Variants in CAMSAP2 observed in about 807,000 individuals in gnomAD.
CAMSAP2 encodes calmodulin regulated spectrin associated protein family member 2.
CAMSAP2 carries 26 observed loss-of-function variants against 146.1 expected under a neutral mutation model. That is an observed-to-expected ratio of 0.18 (90% confidence interval 0.13 to 0.25). The LOEUF is 0.25. Among genes scored for constraint, CAMSAP2 ranks in the 10% least tolerant of loss-of-function variants. The probability of loss-of-function intolerance (pLI) is 1.00; values close to 1 mark genes in which losing one functional copy is unlikely to be tolerated. For missense variants in CAMSAP2, 1,381 were observed against 1,759.3 expected (o/e 0.78, Z 3.85); for synonymous variants, 499 against 596.6 (o/e 0.84, Z 2.38).
At chr1:200,781,269 A>T (rs997797254) in intron 2 of CAMSAP2, among the ~76,000 whole-genome samples, 2 of 152,230 alleles carry the variant, frequency 1.3e-5, no homozygotes, top group Non-Finnish European at 2.9e-5. Context: ...TGTTTAAAAT[A>T]TACTAGGAAT....
chr1:200,766,415 C>T (rs1664953833), intron 2 of CAMSAP2, among the ~76,000 whole-genome samples: 1 of 152,128 alleles, frequency 6.6e-6, no homozygotes, highest in African/African-American at 2.4e-5. Flanking sequence ...GCTGGGATTA[C>T]ACCTGGTCTA....
chr1:200,774,429 C>T (rs534579968), intron 2 of CAMSAP2, among the ~76,000 whole-genome samples: 125 of 152,220 alleles, frequency 8.2e-4, no homozygotes, highest in African/African-American at 2.8e-3. Flanking sequence ...CCCAGGGGCC[C>T]GTCTTTTCAG....
chr1:200,741,374 T>A (rs1005137357), intron 1 of CAMSAP2, among the ~76,000 whole-genome samples: 2 of 152,242 alleles, frequency 1.3e-5, no homozygotes, highest in African/African-American at 4.8e-5. Flanking sequence ...TTACTGCCTT[T>A]ATATAAAAAC....
chr1:200,786,591 C>A (rs765391646), intron 2 of CAMSAP2, among the ~76,000 whole-genome samples: 44 of 152,140 alleles, frequency 2.9e-4, no homozygotes, highest in Admixed American at 2.8e-3. Context: ...GCCATGTTGG[C>A]CAGGCTGGTC....
At chr1:200,749,829 G>C (rs1431997578) in intron 1 of CAMSAP2, among the ~76,000 whole-genome samples, 1 of 152,168 alleles carries the variant, frequency 6.6e-6, no homozygotes, top group African/African-American at 2.4e-5. Flanking sequence ...AATTGGACCA[G>C]ACTGAATGGA....
At chr1:200,745,663 G>C (rs1279551618) in intron 1 of CAMSAP2, among the ~76,000 whole-genome samples, 1 of 152,098 alleles carries the variant, frequency 6.6e-6, no homozygotes, top group Admixed American at 6.6e-5. Context: ...GTAGAGATTG[G>C]GGTTTTGCCA....
intron 7 of CAMSAP2, 147 bp downstream of exon 7, chr1:200,842,234 C>A: frequency 1.7e-6 from 1 of 603,988 alleles, no homozygotes; most frequent in Non-Finnish European, 2.9e-6. Flanking sequence ...CTCCTAACCT[C>A]TTAAAATGGT....
chr1:200,854,830 T>C lies in CAMSAP2; in HGVS notation c.3837T>C (p.Ser1279=). Residue 1279 remains serine (S), a synonymous_variant, in exon 14 of 17, where the codon TCT becomes TCC. Transcript: ENST00000358823. ...PIKGPPVSSL[S]LASLNTGDNE... ...GTGTTTTTTCAGTCTCTAGCCTTTCTTTGGCATCGCTGAACACGGGTGATA... is the reference window on the plus strand; with the variant it reads ...GTGTTTTTTCAGTCTCTAGCCTTTCCTTGGCATCGCTGAACACGGGTGATA... 6.2e-7 allele frequency: 1 copy of C among 1,611,224 alleles called. No individual in the cohort carries two copies.
intron 4 of CAMSAP2, among the ~76,000 whole-genome samples, chr1:200,819,617 C>T (rs1298735164): frequency 1.3e-5 from 2 of 151,742 alleles, no homozygotes; most frequent in African/African-American, 2.4e-5. Context: ...CTCTCTGGGC[C>T]TTGGGTTTGT....
intron 7 of CAMSAP2, among the ~76,000 whole-genome samples, chr1:200,843,447 C>T (rs2102239414): frequency 6.6e-6 from 1 of 152,314 alleles, no homozygotes; most frequent in East Asian, 1.9e-4. Context: ...AACTTCTTTA[C>T]ATGCCTATAA....
intron 1 of CAMSAP2, among the ~76,000 whole-genome samples, chr1:200,742,476 T>A (rs1664208382): frequency 6.6e-6 from 1 of 152,184 alleles, no homozygotes; most frequent in African/African-American, 2.4e-5. Context: ...TGTTTATTCT[T>A]TATCAACAGT....
intron 6 of CAMSAP2, among the ~76,000 whole-genome samples, chr1:200,839,738 A>G (rs1667269333): frequency 6.6e-6 from 1 of 152,198 alleles, no homozygotes; most frequent in Non-Finnish European, 1.5e-5. Context: ...AAGACCACAC[A>G]TTGGGTACAG....
intron 3 of CAMSAP2, 90 bp downstream of exon 3, chr1:200,807,627 GT>G: frequency 2.3e-6 from 2 of 864,588 alleles, no homozygotes; most frequent in Non-Finnish European, 1.5e-6. Context: ...TACTCTTTTT[GT>G]TTCAAATCAA....
chr1:200,777,075 C>T (rs1404127349), intron 2 of CAMSAP2, among the ~76,000 whole-genome samples: 3 of 152,164 alleles, frequency 2.0e-5, no homozygotes, highest in African/African-American at 7.2e-5. Context: ...GAAGGATGAC[C>T]AACCTTTCTC....
Position 200,832,459 on chromosome 1 carries a change from CAA to C in CAMSAP2, c.787+119_787+120del. The stretch of plus-strand genomic sequence containing the variant: ...GTGGGACCCTGTCTCAAAAAAAAGA[CAA>C]TATTATTTAATAAGTACTGAAGACT... On this transcript the variant is annotated intron_variant, in intron 5 of 16. Transcript: ENST00000358823. This position sits in a 1 kb window ranked among gnomAD's most constrained non-coding sequence, Gnocchi z 4.2. 1.0e-6 allele frequency: 1 copy of C among 979,292 alleles called. No homozygotes were observed. The highest frequency in any genetic ancestry group is 1.4e-6 in the Non-Finnish European group (1 of 697,242). 60.7% of individuals were successfully genotyped at this position (979,292 alleles called of 1,614,324 possible).
At chr1:200,846,814 C>T (rs1667470434) in intron 8 of CAMSAP2, among the ~76,000 whole-genome samples, 3 of 152,254 alleles carry the variant, frequency 2.0e-5, no homozygotes, top group South Asian at 2.1e-4. Flanking sequence ...CAAACAGGTC[C>T]GTGAGCAGAG....
Position 200,848,267 on chromosome 1 carries a change from T to G in CAMSAP2, c.1498T>G (p.Ser500Ala), listed in dbSNP as rs1667514062. 6.2e-7 allele frequency: 1 copy of G among 1,613,498 alleles called. No individual in the cohort carries two copies. The highest frequency in any genetic ancestry group is 8.5e-7 in the Non-Finnish European group (1 of 1,179,742). The change falls in exon 11 of 17, where the codon TCT becomes GCT. Residue 500 changes from serine (S) to alanine (A), a missense_variant. Physicochemically the swap from Ser to Ala is moderately conservative, Grantham distance 99. Coordinates refer to ENST00000358823, the MANE Select transcript of CAMSAP2 (RefSeq NM_203459.4). The part of the protein sequence containing the change: ...LNIDSHSDLK[S>A]CVPLNTNELN... ...TATAGATTCTCACAGTGACCTCAAA[T>G]CTTGTGTGCCCCTTAACACAAATGA...
chr1:200,771,629 C>G (rs966150711), intron 2 of CAMSAP2, among the ~76,000 whole-genome samples: 1 of 152,146 alleles, frequency 6.6e-6, no homozygotes, highest in South Asian at 2.1e-4. Context: ...ATGTCTATGC[C>G]TCTCACTTTG....
At chr1:200,762,187 T>A (rs1232283765) in intron 2 of CAMSAP2, among the ~76,000 whole-genome samples, 1 of 152,252 alleles carries the variant, frequency 6.6e-6, no homozygotes, top group Non-Finnish European at 1.5e-5. Flanking sequence ...AATGAGGTGA[T>A]GACCTGTTTT....
Sources: gnomAD v4.1 joint callset for allele counts (sites outside exome capture counted in the v4.1 genomes callset) on GRCh38, gnomAD v4.1.1 for gene constraint, Gnocchi (gnomAD v3.1) non-coding constraint, MANE v1.5 for transcripts, NCBI Gene and HGNC (gene_info 2026-07-23, HGNC 2026-07-21) for gene names.